The following TRIM37 variants were observed in gnomAD, a reference collection of about 807,000 sequenced individuals.
TRIM37 encodes E3 ubiquitin-protein ligase TRIM37.
TRIM37 carries 80 observed loss-of-function variants against 129.8 expected under a neutral mutation model. The ratio of observed to expected loss-of-function variants is 0.62; its 90% CI spans 0.51 to 0.74. The LOEUF is 0.74. TRIM37 is among the 30% of genes least tolerant of loss of function. The probability of loss-of-function intolerance (pLI) is 0.00; values close to 1 mark genes in which losing one functional copy is unlikely to be tolerated. For synonymous variants in TRIM37, 389 were observed against 387.1 expected (o/e 1.00, Z -0.06); for missense variants, 1,054 against 1,176.5 (o/e 0.90, Z 1.52).
Position 59,045,318 on chromosome 17 carries a change from G to A in TRIM37, c.1667+2365C>T, listed in dbSNP as rs567310082. 2.1e-3 allele frequency among the ~76,000 whole-genome samples: 312 copies of A among 150,648 alleles called. 1 individual carries two copies. The highest frequency in any genetic ancestry group is 3.5e-3 in the Admixed American group (53 of 15,060). ...CACTCCAGCCTGGGGGACAGAGCGA[G>A]ACTCCGTTTCAAATAAAAAAAAAAG... is the stretch of plus-strand genomic sequence containing the variant. On this transcript the variant is annotated intron_variant, in intron 16 of 23. Coordinates refer to ENST00000262294, the MANE Select transcript of TRIM37 (RefSeq NM_015294.6).
At chr17:59,093,808 A>G (rs546346685) in intron 2 of TRIM37, among the ~76,000 whole-genome samples, 1 of 152,328 alleles carries the variant, frequency 6.6e-6, no homozygotes, top group East Asian at 1.9e-4. Flanking sequence ...GATCATGTCC[A>G]TAAAATTTCC....
In TRIM37 at chr17:59,028,421, G is replaced by A; in HGVS notation, c.2251C>T (p.Arg751Ter). The A allele has an allele frequency of 2.5e-6, 4 of 1,611,762 alleles. No individual in the cohort carries two copies. The highest frequency in any genetic ancestry group is 3.4e-6 in the Non-Finnish European group (4 of 1,179,908). ...CTGGGAACATATTACTTACAGTTTCGTATGTAACAATTGGCAACTGATGAC... is the reference window on the plus strand; with the variant it reads ...CTGGGAACATATTACTTACAGTTTCATATGTAACAATTGGCAACTGATGAC... ...AKSSVANCYI[R>*]NSTNKKSNSP... The change falls in exon 19 of 24, where the codon CGA (arginine) becomes TGA (stop). Residue 751 changes from arginine to a stop codon, truncating the protein, a stop_gained. Transcript: ENST00000262294. LOFTEE classifies it high-confidence loss of function.
At chr17:59,080,329 A>G (rs571337617) in intron 6 of TRIM37, among the ~76,000 whole-genome samples, 11 of 152,366 alleles carry the variant, frequency 7.2e-5, no homozygotes, top group African/African-American at 2.4e-4. Flanking sequence ...GACCTAAACA[A>G]TATCTAAACA....
the TRIM37 span, among the ~76,000 whole-genome samples, chr17:58,967,519 TAG>T: frequency 1.7e-3 from 240 of 144,890 alleles, no homozygotes; most frequent in Middle Eastern, 3.5e-3. Context: ...TATATATATA[TAG>T]AGAGAGAGAG....
the TRIM37 span, chr17:58,969,651 C>T: frequency 1.3e-5 from 21 of 1,614,024 alleles, no homozygotes; most frequent in Non-Finnish European, 1.7e-5. Flanking sequence ...GAGATGTTCC[C>T]CCATGATCCT....
chr17:59,039,698 C>T (rs953306675), intron 17 of TRIM37, among the ~76,000 whole-genome samples: 1 of 151,976 alleles, frequency 6.6e-6, no homozygotes, highest in African/African-American at 2.4e-5. Context: ...ATTGGTAGAT[C>T]TTGTGATTCT....
chr17:59,007,217 C>CACA (rs1291295818), intron 22 of TRIM37, among the ~76,000 whole-genome samples: 2 of 17,134 alleles, frequency 1.2e-4, no homozygotes, highest in Non-Finnish European at 1.7e-4. Context: ...TAAAACCACC[C>CACA]CACCCCCACC....
At chr17:58,975,740 G>A in the TRIM37 span, among the ~76,000 whole-genome samples, 1 of 152,174 alleles carries the variant, frequency 6.6e-6, no homozygotes, top group African/African-American at 2.4e-5. Flanking sequence ...TAAGTAGTCT[G>A]GACTTTACCA....
downstream of TRIM37, among the ~76,000 whole-genome samples, chr17:58,997,807 G>GT (rs1567923487): frequency 1.3e-5 from 2 of 152,270 alleles, no homozygotes; most frequent in East Asian, 3.9e-4. Flanking sequence ...GGAGCAACTG[G>GT]TTCTTCTCCT....
the TRIM37 span, among the ~76,000 whole-genome samples, chr17:58,968,995 AT>A: frequency 1.6e-4 from 25 of 152,350 alleles, no homozygotes; most frequent in African/African-American, 6.0e-4. Context: ...GGAATGATTT[AT>A]GAAGAAGGTA....
downstream of TRIM37, among the ~76,000 whole-genome samples, chr17:58,977,645 A>ATTT (rs2031093677): frequency 1.3e-5 from 2 of 152,214 alleles, no homozygotes; most frequent in African/African-American, 4.8e-5. Flanking sequence ...AACCTGCTAG[A>ATTT]TAGGGCATGT....
At chr17:59,012,017 T>C (rs2035316903) in intron 22 of TRIM37, among the ~76,000 whole-genome samples, 1 of 152,190 alleles carries the variant, frequency 6.6e-6, no homozygotes, top group African/African-American at 2.4e-5. Context: ...GCAGATTTTT[T>C]CCCCATACAA....
chr17:59,070,747 A>C (rs1175440740), intron 9 of TRIM37, 76 bp downstream of exon 9: 1 of 1,513,992 alleles, frequency 6.6e-7, no homozygotes, highest in African/African-American at 1.4e-5. Context: ...TTAAAAAAAA[A>C]AACATTCTTT....
chr17:59,080,765 T>C (rs545075001), intron 6 of TRIM37, among the ~76,000 whole-genome samples: 1 of 152,248 alleles, frequency 6.6e-6, no homozygotes, highest in Admixed American at 6.5e-5. Flanking sequence ...CACTCCAGCC[T>C]GGGCGACAAG....
chr17:59,079,953 AAGAAT>A, intron 6 of TRIM37, 76 bp from the exon 7 acceptor site: 2 of 1,488,024 alleles, frequency 1.3e-6, no homozygotes, highest in Non-Finnish European at 9.3e-7. Context: ...TAATATTGCC[AAGAAT>A]AGATAATATG....
Position 59,091,286 on chromosome 17 carries a change from A to G in TRIM37, c.164+14T>C. The G allele has an allele frequency of 6.3e-7, 1 of 1,583,100 alleles. No individual in the cohort carries two copies. On this transcript the variant is annotated intron_variant, in intron 3 of 23. Transcript: ENST00000262294. ...ATTTTCAAAATTCACAAATAATCGT[A>G]AGGAAACACTTACCGGCAATGAGGA...
At chr17:59,098,358 A>T (rs2045113335) in intron 2 of TRIM37, among the ~76,000 whole-genome samples, 1 of 152,202 alleles carries the variant, frequency 6.6e-6, no homozygotes, top group Admixed American at 6.5e-5. Flanking sequence ...CAGTACACTT[A>T]AAAATACAGT....
intron 5 of TRIM37, among the ~76,000 whole-genome samples, chr17:59,081,601 T>C (rs1400619000): frequency 6.6e-6 from 1 of 152,076 alleles, no homozygotes; most frequent in African/African-American, 2.4e-5. Flanking sequence ...CAAAAATTAC[T>C]CCCTCTTATT....
intron 9 of TRIM37, among the ~76,000 whole-genome samples, chr17:59,070,495 T>C (rs1451092161): frequency 6.6e-6 from 1 of 152,166 alleles, no homozygotes; most frequent in Non-Finnish European, 1.5e-5. Context: ...GTCAAAAGTA[T>C]CAGTCTGTGA....
Sources: gnomAD v4.1 joint callset for allele counts (sites outside exome capture counted in the v4.1 genomes callset) on GRCh38, gnomAD v4.1.1 for gene constraint, MANE v1.5 for transcripts, NCBI Gene and HGNC (gene_info 2026-07-23, HGNC 2026-07-21) for gene names.